The following CMIP variants were observed in gnomAD, a reference collection of about 807,000 sequenced individuals.
CMIP encodes the protein C-Maf-inducing protein.
A neutral mutation model predicts 97.3 loss-of-function variants in CMIP; 13 were observed. The observed-to-expected ratio is 0.13, with a 90% CI of 0.09 to 0.21. The LOEUF is 0.21. CMIP is among the 10% of genes least tolerant of loss of function. The pLI is 1.00. For missense variants in CMIP, 847 were observed against 1,024.9 expected (o/e 0.83, Z 2.37); for synonymous variants, 538 against 436.3 (o/e 1.23, Z -2.91).
intron 1 of CMIP, among the ~76,000 whole-genome samples, chr16:81,488,116 A>ATTGTT (rs374894252): frequency 0.74 from 112,037 of 152,056 alleles, 41,469 homozygotes; most frequent in East Asian, 0.87. Flanking sequence ...CATGACTTTT[A>ATTGTT]TTTTATTGGC....
chr16:81,709,569 C>G (rs1279455906), intron 20 of CMIP, among the ~76,000 whole-genome samples, 177 bp from the exon 21 acceptor site: 2 of 152,244 alleles, frequency 1.3e-5, no homozygotes, highest in African/African-American at 2.4e-5. Flanking sequence ...CACATCCCAC[C>G]TGCTCTGTTC....
chr16:81,612,450 T>A (rs920350236), intron 2 of CMIP, among the ~76,000 whole-genome samples: 2 of 152,144 alleles, frequency 1.3e-5, no homozygotes, highest in Non-Finnish European at 2.9e-5. Flanking sequence ...GGTTCCTTTC[T>A]TACTGGAAGG....
intron 1 of CMIP, among the ~76,000 whole-genome samples, chr16:81,446,909 C>T (rs1050620610): frequency 1.4e-5 from 2 of 145,932 alleles, no homozygotes; most frequent in African/African-American, 5.1e-5. Flanking sequence ...TGGGGTCCGA[C>T]ATGCTTAGAG....
At chr16:81,538,608 G>A (rs148068931) in intron 1 of CMIP, among the ~76,000 whole-genome samples, 110 of 152,250 alleles carry the variant, frequency 7.2e-4, no homozygotes, top group African/African-American at 2.0e-3. Flanking sequence ...GTCTGGTCTT[G>A]ATCCTGTGGA....
At chr16:81,637,573 C>T (rs920109917) in intron 3 of CMIP, among the ~76,000 whole-genome samples, 9 of 152,182 alleles carry the variant, frequency 5.9e-5, no homozygotes, top group Non-Finnish European at 1.0e-4. Flanking sequence ...GGCTGCACAG[C>T]TCATAAGAAG....
chr16:81,455,548 A>G (rs11861583), intron 1 of CMIP, among the ~76,000 whole-genome samples: 47,356 of 151,868 alleles, frequency 0.31, 7,773 homozygotes, highest in East Asian at 0.39. Context: ...TGCGAGTTCT[A>G]CCACTCCCCT....
chr16:81,624,800 A>T (rs2092038987), intron 3 of CMIP, among the ~76,000 whole-genome samples: 1 of 152,204 alleles, frequency 6.6e-6, no homozygotes, highest in African/African-American at 2.4e-5. Context: ...GCTGCTATGG[A>T]ATTGACCTCA....
At chr16:81,628,024 A>G (rs762546473) in intron 3 of CMIP, among the ~76,000 whole-genome samples, 3 of 152,124 alleles carry the variant, frequency 2.0e-5, no homozygotes, top group Admixed American at 6.5e-5. Flanking sequence ...TGCAGGGGAA[A>G]GGCCCAGGGG....
chr16:81,535,964 G>A (rs909979386), intron 1 of CMIP, among the ~76,000 whole-genome samples: 1 of 152,140 alleles, frequency 6.6e-6, no homozygotes, highest in Non-Finnish European at 1.5e-5. Context: ...AGAGAGAGTC[G>A]TGTCACCTGA....
At chr16:81,562,239 C>T (rs1597564611) in intron 1 of CMIP, among the ~76,000 whole-genome samples, 1 of 152,362 alleles carries the variant, frequency 6.6e-6, no homozygotes, top group East Asian at 1.9e-4. Context: ...CTGGGACCCT[C>T]AGCCCCCATT....
chr16:81,516,362 T>C (rs1043190377), intron 1 of CMIP, among the ~76,000 whole-genome samples: 12 of 152,194 alleles, frequency 7.9e-5, no homozygotes, highest in Admixed American at 2.0e-4. Flanking sequence ...GGTCCCCTCG[T>C]CCACCCGAGT....
intron 1 of CMIP, among the ~76,000 whole-genome samples, chr16:81,472,084 T>A (rs1907594375): frequency 6.6e-6 from 1 of 151,380 alleles, no homozygotes; most frequent in South Asian, 2.1e-4. Flanking sequence ...ACACACACAC[T>A]CACGCACATG....
intron 1 of CMIP, among the ~76,000 whole-genome samples, chr16:81,602,107 A>G (rs927678308): frequency 3.3e-5 from 5 of 152,220 alleles, no homozygotes; most frequent in African/African-American, 1.2e-4. Context: ...ATGGCAGCAT[A>G]AAATGAAACA....
At chr16:81,700,600 C>G (rs1341840418) in intron 15 of CMIP, 2 of 152,506 alleles carry the variant, frequency 1.3e-5, no homozygotes, top group Non-Finnish European at 2.9e-5. Context: ...AGACTTCACC[C>G]CTCAGTGGGA....
rs79733361 is a variant in CMIP at position 81,485,594 on chromosome 16, G to T, written c.300+40053G>T. Among the ~76,000 whole-genome samples, 49 of 152,346 alleles carry T rather than the reference G, an allele frequency of 3.2e-4. 1 individual carries two copies. In the East Asian group the frequency reaches 9.4e-3, roughly 29 times the overall value. On this transcript the variant is annotated intron_variant, in intron 1 of 20. Transcript: ENST00000537098. ...CCCTTCTGATGTCCCTCCCGACTCAGTGGGAACTGATGGCCTATTTATTTA... is the reference window on the plus strand; with the variant it reads ...CCCTTCTGATGTCCCTCCCGACTCATTGGGAACTGATGGCCTATTTATTTA...
chr16:81,666,509 C>T (rs2092604886), intron 7 of CMIP: 1 of 152,102 alleles, frequency 6.6e-6, no homozygotes, highest in African/African-American at 2.4e-5. Context: ...GAGTGTTGAC[C>T]ATGTATTAAT....
At chr16:81,610,866 T>C (rs889869046) in intron 2 of CMIP, among the ~76,000 whole-genome samples, 5 of 152,114 alleles carry the variant, frequency 3.3e-5, no homozygotes, top group African/African-American at 1.2e-4. Flanking sequence ...TTGTCTTGAT[T>C]CACATACAAC....
chr16:81,703,896 A>ACTCCCAGCAGCACCCTCAGGCCTCTC, intron 17 of CMIP, 43 bp from the exon 18 acceptor site: 2 of 1,565,038 alleles, frequency 1.3e-6, no homozygotes, highest in Non-Finnish European at 1.7e-6. Flanking sequence ...GGTCTCGGGA[A>ACTCCCAGCAGCACCCTCAGGCCTCTC]CTCCCAGCAG....
At chr16:81,476,156 A>T in intron 1 of CMIP, 1 of 1,120,724 alleles carries the variant, frequency 8.9e-7, no homozygotes, top group Non-Finnish European at 1.4e-6. Flanking sequence ...CTTGCGTTCA[A>T]CCACTCAGTC....
Sources: allele counts gnomAD v4.1 joint callset (sites outside exome capture counted in the v4.1 genomes callset), GRCh38; gene constraint gnomAD v4.1.1; transcripts MANE v1.5; gene names NCBI Gene and HGNC (gene_info 2026-07-23, HGNC 2026-07-21).